The following EYS variants were observed in gnomAD, a reference collection of about 807,000 sequenced individuals.
EYS encodes the protein protein eyes shut homolog.
EYS carries 250 observed loss-of-function variants against 282.1 expected under a neutral mutation model. That is an observed-to-expected ratio of 0.89 (90% confidence interval 0.80 to 0.98). The LOEUF (loss-of-function observed/expected upper bound fraction) is 0.98, where lower values mean the gene tolerates loss of function less well. Ranked by LOEUF, EYS falls within the 50% of genes least tolerant of loss-of-function variation. The pLI is 0.00. For missense variants in EYS, 4,016 were observed against 3,709.0 expected, an observed-to-expected ratio of 1.08 and a Z score of -2.15; for synonymous variants, 1,355 against 1,282.9, an observed-to-expected ratio of 1.06 and a Z score of -1.20.
intron 13 of EYS, among the ~76,000 whole-genome samples, chr6:65,030,650 T>C (rs964627939): frequency 2.0e-5 from 3 of 152,156 alleles, no homozygotes; most frequent in Non-Finnish European, 4.4e-5. Flanking sequence ...AGGGCATACC[T>C]TGATTCCTCC....
At chr6:64,327,191 G>A (rs1165273203) in intron 29 of EYS, among the ~76,000 whole-genome samples, 2 of 152,100 alleles carry the variant, frequency 1.3e-5, no homozygotes, top group Non-Finnish European at 2.9e-5. Flanking sequence ...ACTGTATACA[G>A]CCCATAGGAC....
chr6:65,576,187 C>T (rs934763357), intron 2 of EYS, among the ~76,000 whole-genome samples: 1 of 151,888 alleles, frequency 6.6e-6, no homozygotes, highest in Admixed American at 6.6e-5. Flanking sequence ...AACAAAATAA[C>T]AGCAAAAAGA....
At chr6:65,148,979 G>A (rs932298163) in intron 12 of EYS, among the ~76,000 whole-genome samples, 4 of 152,030 alleles carry the variant, frequency 2.6e-5, no homozygotes, top group African/African-American at 4.8e-5. Flanking sequence ...GAGGCTGCAC[G>A]GAGTGGGGAG....
At chr6:64,491,462 T>A (rs903408593) in intron 26 of EYS, among the ~76,000 whole-genome samples, 1 of 151,020 alleles carries the variant, frequency 6.6e-6, no homozygotes, top group African/African-American at 2.4e-5. Context: ...GAAATATTTT[T>A]ACTGAACCCA....
chr6:63,802,012 C>A (rs962017560), intron 37 of EYS, among the ~76,000 whole-genome samples: 21 of 152,088 alleles, frequency 1.4e-4, no homozygotes, highest in African/African-American at 4.8e-4. Context: ...GGTTAAAGAT[C>A]AATATTACTA....
At chr6:63,771,286 G>GA (rs1275138122) in intron 40 of EYS, among the ~76,000 whole-genome samples, 1 of 151,976 alleles carries the variant, frequency 6.6e-6, no homozygotes, top group Admixed American at 6.6e-5. Context: ...AGATCAGTTG[G>GA]AAAAAAGCAA....
chr6:64,987,691 T>C (rs975923014), intron 14 of EYS, among the ~76,000 whole-genome samples: 1 of 151,466 alleles, frequency 6.6e-6, no homozygotes, highest in African/African-American at 2.4e-5. Context: ...TCTATGAACA[T>C]TACATTTTTC....
intron 5 of EYS, among the ~76,000 whole-genome samples, chr6:65,435,703 T>A (rs952610416): frequency 6.6e-6 from 1 of 152,150 alleles, no homozygotes; most frequent in Admixed American, 6.5e-5. Context: ...TTGTCAAAAT[T>A]CATTTGGTGA....
intron 13 of EYS, among the ~76,000 whole-genome samples, chr6:65,024,706 A>G (rs1772348478): frequency 6.6e-6 from 1 of 152,174 alleles, no homozygotes; most frequent in Non-Finnish European, 1.5e-5. Flanking sequence ...CCATTGTTTA[A>G]TTCTTCAGAT....
Position 63,777,899 on chromosome 6 carries a change from T to C in EYS, c.7898+107A>G, listed in dbSNP as rs925835760. 3 of 1,055,140 alleles carry C rather than the reference T, an allele frequency of 2.8e-6. No individual in the cohort carries two copies. In the African/African-American group the frequency reaches 4.7e-5, roughly 17 times the overall value. 65.4% of individuals were successfully genotyped at this position (1,055,140 alleles called of 1,614,324 possible). ...AGTCTACATAAGAACATTTTAAATA[T>C]GTGCATCTGTTTGTGTTCCTAGTTT... On this transcript the variant is annotated intron_variant, in intron 40 of 42. Transcript: ENST00000503581.
chr6:64,855,452 G>A (rs1000210779), intron 19 of EYS, among the ~76,000 whole-genome samples: 1 of 151,464 alleles, frequency 6.6e-6, no homozygotes, highest in Non-Finnish European at 1.5e-5. Flanking sequence ...CTCTGATATT[G>A]TTATTTTGTA....
intron 32 of EYS, among the ~76,000 whole-genome samples, chr6:64,080,849 C>T (rs1771940635): frequency 6.6e-6 from 1 of 152,028 alleles, no homozygotes; most frequent in Non-Finnish European, 1.5e-5. Flanking sequence ...TCAGATTTGT[C>T]AAATATCAGA....
intron 29 of EYS, among the ~76,000 whole-genome samples, chr6:64,315,392 G>C (rs1401604688): frequency 6.6e-6 from 1 of 152,154 alleles, no homozygotes; most frequent in Non-Finnish European, 1.5e-5. Context: ...TGGAAAAAAA[G>C]GGAAACCTCC....
chr6:65,374,754 T>C (rs1199099860), intron 8 of EYS, among the ~76,000 whole-genome samples: 2 of 151,862 alleles, frequency 1.3e-5, no homozygotes, highest in Admixed American at 6.6e-5. Context: ...AGTAGGAGAG[T>C]TTCCCCTGAC....
intron 35 of EYS, among the ~76,000 whole-genome samples, chr6:63,875,312 G>C (rs1772937991): frequency 6.6e-6 from 1 of 152,168 alleles, no homozygotes; most frequent in African/African-American, 2.4e-5. Context: ...TTGCATCCCA[G>C]GGATGAAGCC....
intron 12 of EYS, among the ~76,000 whole-genome samples, chr6:65,214,165 A>G (rs1210234939): frequency 1.4e-5 from 2 of 147,246 alleles, no homozygotes; most frequent in Non-Finnish European, 3.0e-5. Flanking sequence ...TCTCAAAAAA[A>G]AAAAAAAAAA....
At chr6:64,647,682 A>T (rs1768404520) in intron 22 of EYS, among the ~76,000 whole-genome samples, 1 of 152,188 alleles carries the variant, frequency 6.6e-6, no homozygotes, top group Admixed American at 6.5e-5. Context: ...AGAAAATTAC[A>T]TGATAAATTA....
intron 35 of EYS, among the ~76,000 whole-genome samples, chr6:63,938,933 G>A (rs941052775): frequency 2.0e-5 from 3 of 152,092 alleles, no homozygotes; most frequent in African/African-American, 7.2e-5. Context: ...AAATCAAAAG[G>A]CAAACATTGA....
intron 41 of EYS, among the ~76,000 whole-genome samples, chr6:63,761,171 A>G (rs1384237305): frequency 6.6e-6 from 1 of 151,806 alleles, no homozygotes; most frequent in African/African-American, 2.4e-5. Flanking sequence ...AGGTGAAGTG[A>G]TAGCACCTGG....
Sources: allele counts gnomAD v4.1 joint callset (sites outside exome capture counted in the v4.1 genomes callset), GRCh38; gene constraint gnomAD v4.1.1; transcripts MANE v1.5; gene names NCBI Gene and HGNC (gene_info 2026-07-23, HGNC 2026-07-21).